CA1: variants seen among roughly 807,000 people sequenced by gnomAD.
The protein encoded by CA1 is carbonate dehydratase I.
In CA1, 27 loss-of-function variants were observed where a neutral mutation model predicts 28.8. The observed-to-expected ratio is 0.94, with a 90% CI of 0.69 to 1.29. CA1 has a LOEUF of 1.29. Ranked by LOEUF, CA1 falls within the 50% of genes most tolerant of loss-of-function variation. The probability of loss-of-function intolerance (pLI) is 0.00; values close to 1 mark genes in which losing one functional copy is unlikely to be tolerated. For missense variants in CA1, 335 were observed against 310.5 expected, an observed-to-expected ratio of 1.08 and a Z score of -0.59; for synonymous variants, 121 against 108.8, an observed-to-expected ratio of 1.11 and a Z score of -0.70.
chr8:85,344,273 A>C lies in CA1; in HGVS notation c.-24-2614T>G, dbSNP rs1235163751. ...ATATTATATACAGTATATAATATAT[A>C]ATTATATATTATATACAGTATATAA... On this transcript the variant is annotated intron_variant, in intron 1 of 7. Transcript: ENST00000523022. Among the ~76,000 whole-genome samples, 4 of 73,814 alleles carry C rather than the reference A, an allele frequency of 5.4e-5. 1 individual carries two copies. The highest frequency in any genetic ancestry group is 8.4e-4 in the South Asian group (2 of 2,392). The allele number at this position is 73,814 out of a possible 152,430, so 48.4% of individuals were successfully genotyped here.
intron 1 of CA1, among the ~76,000 whole-genome samples, chr8:85,376,053 G>A (rs944372735): frequency 6.6e-6 from 1 of 152,184 alleles, no homozygotes; most frequent in African/African-American, 2.4e-5. Context: ...AAAAGAAGCT[G>A]GGCATGGTGG....
chr8:85,334,804 A>G (rs1256795178), intron 4 of CA1, among the ~76,000 whole-genome samples: 1 of 152,136 alleles, frequency 6.6e-6, no homozygotes, highest in Non-Finnish European at 1.5e-5. Flanking sequence ...CAGCCTGACC[A>G]ACGTGGTAAA....
At chr8:85,358,968 C>G (rs1282731416) in intron 1 of CA1, among the ~76,000 whole-genome samples, 1 of 152,208 alleles carries the variant, frequency 6.6e-6, no homozygotes, top group African/African-American at 2.4e-5. Flanking sequence ...AAAGTTGTCA[C>G]TCTAAGCCAC....
At chr8:85,340,141 A>G (rs979469260) in intron 2 of CA1, among the ~76,000 whole-genome samples, 3 of 152,246 alleles carry the variant, frequency 2.0e-5, no homozygotes, top group African/African-American at 7.2e-5. Flanking sequence ...TAGGACTTTC[A>G]TAGCTAGAGA....
At chr8:85,369,758 T>G (rs1269323854) in intron 1 of CA1, among the ~76,000 whole-genome samples, 1 of 151,826 alleles carries the variant, frequency 6.6e-6, no homozygotes, top group African/African-American at 2.4e-5. Context: ...ACCCTGGCAC[T>G]ATGGTGGGTT....
chr8:85,330,640 T>A (rs1808359500), intron 6 of CA1, among the ~76,000 whole-genome samples: 1 of 152,166 alleles, frequency 6.6e-6, no homozygotes, highest in Non-Finnish European at 1.5e-5. Flanking sequence ...TCAGACAGTT[T>A]TCTTTCATTT....
At chr8:85,374,668 G>A (rs1413989918) in intron 1 of CA1, among the ~76,000 whole-genome samples, 2 of 152,004 alleles carry the variant, frequency 1.3e-5, no homozygotes, top group African/African-American at 2.4e-5. Flanking sequence ...ATTTTCCCTC[G>A]ATTAGCTCTG....
At chr8:85,367,276 C>G (rs566870526) in intron 1 of CA1, among the ~76,000 whole-genome samples, 1 of 152,032 alleles carries the variant, frequency 6.6e-6, no homozygotes, top group Non-Finnish European at 1.5e-5. Context: ...CTTTTGAATA[C>G]TATTTTATTG....
chr8:85,339,368 A>G (rs1012059036), intron 2 of CA1, among the ~76,000 whole-genome samples: 4 of 152,206 alleles, frequency 2.6e-5, no homozygotes, highest in African/African-American at 9.6e-5. Flanking sequence ...CTATTATAAT[A>G]GTGTTGTGGC....
intron 1 of CA1, among the ~76,000 whole-genome samples, chr8:85,357,992 A>C (rs1348235804): frequency 6.6e-6 from 1 of 152,230 alleles, no homozygotes; most frequent in African/African-American, 2.4e-5. Flanking sequence ...TCAACTAAGC[A>C]TAGATCTATG....
At chr8:85,331,939 T>A (rs962830954) in intron 6 of CA1, among the ~76,000 whole-genome samples, 1 of 152,126 alleles carries the variant, frequency 6.6e-6, no homozygotes, top group Non-Finnish European at 1.5e-5. Context: ...ATAAATCAGA[T>A]TCATTTTACA....
chr8:85,361,339 G>A (rs1809787227), intron 1 of CA1, among the ~76,000 whole-genome samples: 1 of 152,148 alleles, frequency 6.6e-6, no homozygotes, highest in Non-Finnish European at 1.5e-5. Context: ...CACTGTATGT[G>A]TCAAATACGT....
At chr8:85,364,570 T>C (rs1456565264) in intron 1 of CA1, among the ~76,000 whole-genome samples, 1 of 152,208 alleles carries the variant, frequency 6.6e-6, no homozygotes, top group African/African-American at 2.4e-5. Flanking sequence ...ACATTAGTGA[T>C]GTGGTGAACA....
chr8:85,365,732 G>A (rs1325204547), intron 1 of CA1, among the ~76,000 whole-genome samples: 4 of 152,092 alleles, frequency 2.6e-5, no homozygotes, highest in Non-Finnish European at 5.9e-5. Context: ...GAACAACTGT[G>A]GCCATACACA....
intron 1 of CA1, among the ~76,000 whole-genome samples, chr8:85,362,836 T>G: frequency 6.6e-6 from 1 of 152,314 alleles, no homozygotes; most frequent in South Asian, 2.1e-4. Context: ...GGCAGATAAC[T>G]TATATTATTT....
chr8:85,345,948 C>T (rs1809166991), intron 1 of CA1, among the ~76,000 whole-genome samples: 1 of 151,988 alleles, frequency 6.6e-6, no homozygotes, highest in Non-Finnish European at 1.5e-5. Context: ...TTCAAAAATC[C>T]ATCACTTTTA....
chr8:85,365,698 T>A (rs1321236798), intron 1 of CA1, among the ~76,000 whole-genome samples: 1 of 152,212 alleles, frequency 6.6e-6, no homozygotes, highest in African/African-American at 2.4e-5. Context: ...CCTGGGCTTG[T>A]TAATTTATTT....
At chr8:85,376,812 G>A (rs1024679485) in intron 1 of CA1, among the ~76,000 whole-genome samples, 1 of 152,114 alleles carries the variant, frequency 6.6e-6, no homozygotes, top group Admixed American at 6.6e-5. Context: ...CTTTCGGGTC[G>A]TGTAGAGGCA....
At chr8:85,331,114 A>G (rs1179670554) in intron 6 of CA1, among the ~76,000 whole-genome samples, 1 of 152,114 alleles carries the variant, frequency 6.6e-6, no homozygotes, top group Non-Finnish European at 1.5e-5. Context: ...CATTTTGACT[A>G]TTGTTTAAAT....
Sources: gnomAD v4.1 joint callset for allele counts (sites outside exome capture counted in the v4.1 genomes callset) on GRCh38, gnomAD v4.1.1 for gene constraint, MANE v1.5 for transcripts, NCBI Gene and HGNC (gene_info 2026-07-23, HGNC 2026-07-21) for gene names.